The following LRGUK variants were observed in gnomAD, a reference collection of about 807,000 sequenced individuals.
The protein encoded by LRGUK is leucine rich repeats and guanylate kinase domain containing, also known as leucine-rich repeat and guanylate kinase domain-containing protein.
Under a neutral mutation model 76.0 loss-of-function variants are expected in LRGUK, and 65 were observed. The observed-to-expected ratio is 0.85, with a 90% CI of 0.70 to 1.05. The LOEUF (loss-of-function observed/expected upper bound fraction) is 1.05. Ranked by LOEUF, LRGUK falls within the 50% of genes least tolerant of loss-of-function variation. The probability of loss-of-function intolerance (pLI) is 0.00; values close to 1 mark genes in which losing one functional copy is unlikely to be tolerated. For missense variants in LRGUK, 758 were observed against 732.8 expected (o/e 1.03, Z -0.40); for synonymous variants, 268 against 265.6 (o/e 1.01, Z -0.09).
chr7:134,156,409 A>G (rs953371986), intron 5 of LRGUK, among the ~76,000 whole-genome samples: 1 of 152,210 alleles, frequency 6.6e-6, no homozygotes, highest in Admixed American at 6.5e-5. Flanking sequence ...AAAAAGTAAT[A>G]GTAAGAAAAT....
downstream of LRGUK, among the ~76,000 whole-genome samples, chr7:134,266,019 G>A (rs1026897547): frequency 1.2e-4 from 18 of 152,126 alleles, no homozygotes; most frequent in East Asian, 7.7e-4. Context: ...ACCCCAAAGC[G>A]TTAATGAGGC....
intron 5 of LRGUK, among the ~76,000 whole-genome samples, chr7:134,152,743 G>A (rs1395445201): frequency 6.6e-6 from 1 of 152,018 alleles, no homozygotes; most frequent in Non-Finnish European, 1.5e-5. Flanking sequence ...TATGTGGAAA[G>A]TTTAGTATAT....
chr7:134,240,494 G>C (rs1180755912), intron 16 of LRGUK, among the ~76,000 whole-genome samples: 2 of 152,070 alleles, frequency 1.3e-5, no homozygotes, highest in Admixed American at 1.3e-4. Context: ...GAGAAGAGAA[G>C]TTTAGAGAAA....
At chr7:134,263,142 T>G (rs1802779238) in intron 19 of LRGUK, among the ~76,000 whole-genome samples, 1 of 152,126 alleles carries the variant, frequency 6.6e-6, no homozygotes, top group Non-Finnish European at 1.5e-5. Context: ...CTTCATAATC[T>G]TATCCATCAT....
chr7:134,264,156 GT>G, exon 20 of LRGUK: 3 of 501,300 alleles, frequency 6.0e-6, no homozygotes, highest in Non-Finnish European at 9.5e-6. Context: ...GTGTCTTTTA[GT>G]TTTTTAATTA....
chr7:134,226,439 A>G (rs1801767299), intron 16 of LRGUK, among the ~76,000 whole-genome samples: 1 of 152,208 alleles, frequency 6.6e-6, no homozygotes, highest in South Asian at 2.1e-4. Context: ...CATGTGTGTA[A>G]GTTGTGATTA....
chr7:134,175,625 A>G (rs1416310870), intron 8 of LRGUK, among the ~76,000 whole-genome samples: 2 of 152,184 alleles, frequency 1.3e-5, no homozygotes, highest in East Asian at 1.9e-4. Context: ...AGCTTTGTAC[A>G]TTCACCTCAT....
At chr7:134,188,652 C>T (rs1800074304) in intron 11 of LRGUK, among the ~76,000 whole-genome samples, 4 of 152,094 alleles carry the variant, frequency 2.6e-5, no homozygotes, top group Admixed American at 2.6e-4. Flanking sequence ...GTCCAGCAAG[C>T]TATTGACATA....
At chr7:134,261,160 C>T (rs1356053541) in intron 19 of LRGUK, among the ~76,000 whole-genome samples, 1 of 152,064 alleles carries the variant, frequency 6.6e-6, no homozygotes, top group Admixed American at 6.6e-5. Flanking sequence ...TCTGAGTCTG[C>T]CATTTTGCTG....
chr7:134,137,236 G>A, intron 2 of LRGUK, 106 bp downstream of exon 2: 1 of 788,780 alleles, frequency 1.3e-6, no homozygotes, highest in African/African-American at 1.7e-5. Flanking sequence ...AAATCTTGGA[G>A]CCTCGCATTT....
rs185201980 is a variant in LRGUK, at chr7:134,250,428, G to T, written c.2198+1352G>T. On this transcript the variant is annotated intron_variant, in intron 18 of 19. Coordinates refer to the LRGUK transcript ENST00000285928. ...GTTCACCCCCCGTATTTTCAACAAT[G>T]AGCATTTTTATAATTTTTGAAGCAT... Among the ~76,000 whole-genome samples, 46 of 152,146 alleles carry T rather than the reference G, an allele frequency of 3.0e-4. 1 individual carries two copies. In the East Asian group the frequency reaches 7.5e-3, roughly 25 times the overall value.
At chr7:134,169,227 G>A (rs1799141927) in intron 7 of LRGUK, among the ~76,000 whole-genome samples, 1 of 151,138 alleles carries the variant, frequency 6.6e-6, no homozygotes, top group African/African-American at 2.4e-5. Context: ...GGTGAAGATG[G>A]GGCAGAGATT....
At chr7:134,172,740 G>A (rs188289706) in intron 7 of LRGUK, among the ~76,000 whole-genome samples, 1 of 152,272 alleles carries the variant, frequency 6.6e-6, no homozygotes, top group African/African-American at 2.4e-5. Context: ...ACTTGGGAAT[G>A]GGAAGTCGAG....
intron 3 of LRGUK, 88 bp from the exon 4 acceptor site, chr7:134,142,974 A>G (rs1034144228): frequency 4.4e-6 from 3 of 686,546 alleles, no homozygotes; most frequent in African/African-American, 3.6e-5. Context: ...TAATTTTAAA[A>G]TATTCTGATG....
intron 1 of LRGUK, among the ~76,000 whole-genome samples, chr7:134,135,017 CA>C (rs1797466312): frequency 1.3e-5 from 2 of 152,042 alleles, no homozygotes; most frequent in African/African-American, 2.4e-5. Context: ...ATAAAATAAA[CA>C]GACAACAGGT....
intron 19 of LRGUK, among the ~76,000 whole-genome samples, chr7:134,258,621 C>T (rs1409378312): frequency 1.3e-5 from 2 of 151,706 alleles, no homozygotes; most frequent in Non-Finnish European, 2.9e-5. Flanking sequence ...ATTGCTTGAA[C>T]CCAGGAGGCG....
chr7:134,152,063 T>A (rs563855819), intron 5 of LRGUK, among the ~76,000 whole-genome samples: 1 of 152,100 alleles, frequency 6.6e-6, no homozygotes, highest in Admixed American at 6.5e-5. Context: ...GAGAAAGAAA[T>A]TAAAGGTGTA....
intron 15 of LRGUK, among the ~76,000 whole-genome samples, chr7:134,206,545 A>T (rs759490981): frequency 6.6e-6 from 1 of 150,492 alleles, no homozygotes; most frequent in Non-Finnish European, 1.5e-5. Flanking sequence ...ATATATATAT[A>T]ATATATGTAT....
At chr7:134,221,859 A>G in exon 16 of LRGUK, 1 of 1,602,170 alleles carries the variant, frequency 6.2e-7, no homozygotes, top group Non-Finnish European at 8.5e-7. Context: ...CCTGCATTCT[A>G]CAGACAGAAA....
Sources: allele counts gnomAD v4.1 joint callset (sites outside exome capture counted in the v4.1 genomes callset), GRCh38; gene constraint gnomAD v4.1.1; transcripts MANE v1.5; gene names NCBI Gene and HGNC (gene_info 2026-07-23, HGNC 2026-07-21).